RELN: variants seen among roughly 807,000 people sequenced by gnomAD.
The protein encoded by RELN is reelin.
RELN carries 108 observed loss-of-function variants against 427.6 expected under a neutral mutation model. That is an observed-to-expected ratio of 0.25 (90% CI 0.22 to 0.30). RELN has a LOEUF of 0.30. Ranked by LOEUF, RELN falls within the 10% of genes least tolerant of loss-of-function variation. RELN has a pLI of 1.00. For synonymous variants in RELN, 1,524 were observed against 1,513.4 expected (o/e 1.01, Z -0.16); for missense variants, 3,715 against 4,302.8 (o/e 0.86, Z 3.82).
At chr7:103,510,781 T>C in intron 51 of RELN, 70 bp downstream of exon 51, 2 of 1,270,126 alleles carry the variant, frequency 1.6e-6, no homozygotes, top group Non-Finnish European at 2.3e-6. Flanking sequence ...TTAGATCATC[T>C]TTTCTCTGAT....
At chr7:103,932,280 G>A (rs1584379040) in intron 1 of RELN, among the ~76,000 whole-genome samples, 1 of 152,128 alleles carries the variant, frequency 6.6e-6, no homozygotes, top group South Asian at 2.1e-4. Flanking sequence ...GCAAACTAAT[G>A]CAGGAACAGA....
chr7:103,489,791 G>T lies in RELN; in HGVS notation c.9714C>A (p.His3238Gln). 1 of 1,614,142 alleles carries T rather than the reference G, an allele frequency of 6.2e-7. No homozygotes were observed. Among genetic ancestry groups the T allele is most frequent in the Non-Finnish European group, 8.5e-7 (1 of 1,180,012 alleles). Residue 3238 changes from histidine to glutamine, a missense_variant, in exon 60 of 65, where the codon CAC becomes CAA. By Grantham distance (24) the His-to-Gln change is conservative (BLOSUM62 0). This residue lies in a region of RELN where 2 missense variants were observed against 16.8 expected (regional missense o/e 0.12). Coordinates refer to ENST00000428762, the MANE Select transcript of RELN (RefSeq NM_005045.4). ...GEACPKLCSG[H>Q]GYCTTGAICI... ...AGATGGCACCGGTCGTGCAGTATCC[G>T]TGCCCGCTGCAGAGCTTGGGGCAAG...
At chr7:103,864,028 CAA>C (rs528123304) in intron 2 of RELN, among the ~76,000 whole-genome samples, 202 of 152,168 alleles carry the variant, frequency 1.3e-3, no homozygotes, top group Non-Finnish European at 1.2e-3. Flanking sequence ...AGAACTCAGA[CAA>C]ACTGAAGGAA....
At chr7:103,867,139 G>A (rs997280747) in intron 2 of RELN, among the ~76,000 whole-genome samples, 1 of 152,150 alleles carries the variant, frequency 6.6e-6, no homozygotes, top group Non-Finnish European at 1.5e-5. Context: ...CTGAATAAGC[G>A]ACAGTTAATA....
chr7:103,716,429 C>G (rs577435387), intron 8 of RELN, among the ~76,000 whole-genome samples: 1 of 151,722 alleles, frequency 6.6e-6, no homozygotes, highest in Non-Finnish European at 1.5e-5. Flanking sequence ...CATTATGATA[C>G]ATATAATAAA....
chr7:103,935,151 T>A (rs1453167737), intron 1 of RELN, among the ~76,000 whole-genome samples: 1 of 152,212 alleles, frequency 6.6e-6, no homozygotes, highest in African/African-American at 2.4e-5. Context: ...TTCTGGAATC[T>A]CCTAGGTTTT....
At chr7:103,485,041 TGATTAACA>T (rs557254469) in intron 61 of RELN, among the ~76,000 whole-genome samples, 1 of 152,138 alleles carries the variant, frequency 6.6e-6, no homozygotes, top group Non-Finnish European at 1.5e-5. Flanking sequence ...AGATTCCTCA[TGATTAACA>T]GAGTACCTAA....
At chr7:103,817,006 C>G (rs1792889600) in intron 3 of RELN, among the ~76,000 whole-genome samples, 1 of 152,068 alleles carries the variant, frequency 6.6e-6, no homozygotes, top group African/African-American at 2.4e-5. Flanking sequence ...AGTGCACCAC[C>G]ATGCCTCGCT....
At chr7:103,508,494 A>G (rs1051146222) in intron 51 of RELN, among the ~76,000 whole-genome samples, 8 of 152,242 alleles carry the variant, frequency 5.3e-5, no homozygotes, top group Non-Finnish European at 8.8e-5. Context: ...TTGATGGAAC[A>G]TATCTCAAAA....
chr7:103,779,962 G>A (rs1235399276), intron 3 of RELN, among the ~76,000 whole-genome samples: 1 of 152,146 alleles, frequency 6.6e-6, no homozygotes, highest in Non-Finnish European at 1.5e-5. Flanking sequence ...TCTTGACCTC[G>A]TGATCTGCCT....
rs541626088 is a variant in RELN at position 103,610,893 on chromosome 7, A to C, written c.2896-86T>G. The C allele has an allele frequency of 2.1e-4, 160 of 768,684 alleles. No individual in the cohort carries two copies. The African/African-American group carries it at 2.3e-3, about 11-fold the overall frequency. 47.6% of individuals were successfully genotyped at this position (768,684 alleles called of 1,614,324 possible). A position where few individuals can be genotyped will look rare whatever the true frequency, so the allele number is the denominator to read the frequency against. On this transcript the variant is annotated intron_variant, in intron 21 of 64. Transcript: ENST00000428762. Reference sequence around the variant, plus strand: ...TACTCACCCACTGTAAGTGAAAAAGACCTCAGAGAAATCTAATGTCATAAT... The same window carrying C: ...TACTCACCCACTGTAAGTGAAAAAGCCCTCAGAGAAATCTAATGTCATAAT...
At chr7:103,698,338 C>T (rs1470921890) in intron 9 of RELN, among the ~76,000 whole-genome samples, 1 of 151,992 alleles carries the variant, frequency 6.6e-6, no homozygotes, top group Non-Finnish European at 1.5e-5. Flanking sequence ...ACAAGTCAGG[C>T]ACTAAGTATG....
chr7:103,538,511 A>T (rs1284806710), intron 45 of RELN, among the ~76,000 whole-genome samples: 1 of 152,138 alleles, frequency 6.6e-6, no homozygotes, highest in Non-Finnish European at 1.5e-5. Context: ...AATTGGTCAC[A>T]ATGAGGGTGG....
intron 11 of RELN, among the ~76,000 whole-genome samples, chr7:103,680,639 G>T (rs975832160): frequency 2.0e-5 from 3 of 151,986 alleles, no homozygotes; most frequent in Non-Finnish European, 2.9e-5. Flanking sequence ...ATCTGGGAGA[G>T]GAGTGCACTG....
chr7:103,744,767 T>C (rs1348047516), intron 6 of RELN, among the ~76,000 whole-genome samples: 1 of 151,384 alleles, frequency 6.6e-6, no homozygotes, highest in Non-Finnish European at 1.5e-5. Flanking sequence ...ATTGAGGAAA[T>C]AATCAATAGC....
intron 4 of RELN, among the ~76,000 whole-genome samples, chr7:103,758,845 A>G (rs910455843): frequency 3.3e-5 from 5 of 151,676 alleles, no homozygotes; most frequent in Non-Finnish European, 2.9e-5. Context: ...AGTGGGGCCT[A>G]TCCAGATGAT....
intron 8 of RELN, among the ~76,000 whole-genome samples, chr7:103,707,918 A>G (rs1834241193): frequency 6.6e-6 from 1 of 152,262 alleles, no homozygotes; most frequent in African/African-American, 2.4e-5. Flanking sequence ...AGTGTAAAAC[A>G]GTACCCTGTA....
At chr7:103,541,966 A>G (rs1353661842) in intron 43 of RELN, among the ~76,000 whole-genome samples, 1 of 152,258 alleles carries the variant, frequency 6.6e-6, no homozygotes, top group African/African-American at 2.4e-5. Flanking sequence ...GATGTATTCT[A>G]AGATACTCTG....
At chr7:103,915,193 C>T (rs1795457188) in intron 2 of RELN, among the ~76,000 whole-genome samples, 1 of 152,080 alleles carries the variant, frequency 6.6e-6, no homozygotes, top group South Asian at 2.1e-4. Flanking sequence ...CTGTGCCCCA[C>T]CATCCACAGA....
Sources: allele counts gnomAD v4.1 joint callset (sites outside exome capture counted in the v4.1 genomes callset), GRCh38; gene constraint gnomAD v4.1.1; regional missense constraint gnomAD v4.1.1; transcripts MANE v1.5; gene names NCBI Gene and HGNC (gene_info 2026-07-23, HGNC 2026-07-21).